The following GPC6 variants were observed in gnomAD, a reference collection of about 807,000 sequenced individuals.
The protein encoded by GPC6 is glypican-6.
GPC6 carries 14 observed loss-of-function variants against 55.2 expected under a neutral mutation model. That is an observed-to-expected ratio of 0.25 (90% CI 0.17 to 0.40). The LOEUF is 0.40. Ranked by LOEUF, GPC6 falls within the 10% of genes least tolerant of loss-of-function variation. The pLI is 1.00. For synonymous variants in GPC6, 278 were observed against 259.6 expected, an observed-to-expected ratio of 1.07 and a Z score of -0.68; for missense variants, 641 against 708.5, an observed-to-expected ratio of 0.90 and a Z score of 1.08.
At chr13:93,255,395 A>G (rs976229507) in intron 1 of GPC6, among the ~76,000 whole-genome samples, 4 of 152,126 alleles carry the variant, frequency 2.6e-5, no homozygotes, top group African/African-American at 9.7e-5. Flanking sequence ...ATTATTATAA[A>G]CCATAGTCAC....
chr13:93,940,976 A>C (rs1049912189), intron 3 of GPC6, among the ~76,000 whole-genome samples: 2 of 152,212 alleles, frequency 1.3e-5, no homozygotes, highest in African/African-American at 4.8e-5. Flanking sequence ...TAATTTTCTA[A>C]AATCAGAAGT....
intron 4 of GPC6, among the ~76,000 whole-genome samples, chr13:94,188,862 C>G (rs939011624): frequency 6.6e-6 from 1 of 152,164 alleles, no homozygotes; most frequent in Non-Finnish European, 1.5e-5. Flanking sequence ...CAAAGTCTCA[C>G]AATCTGGTCA....
chr13:94,042,988 A>G (rs1241963204), intron 4 of GPC6, among the ~76,000 whole-genome samples: 1 of 151,892 alleles, frequency 6.6e-6, no homozygotes, highest in Non-Finnish European at 1.5e-5. Context: ...GTATAATCCA[A>G]TAATGTCATT....
chr13:93,256,741 G>A lies in GPC6; in HGVS notation c.160+29125G>A, dbSNP rs79763430. The stretch of plus-strand genomic sequence containing the variant: ...TGCTATCATCCAGTCCTTATATTAC[G>A]GCTTTTCATTTAGATTGATTTTTAT... On this transcript the variant is annotated intron_variant, in intron 1 of 8. Coordinates refer to ENST00000377047, the MANE Select transcript of GPC6 (RefSeq NM_005708.5). Among the ~76,000 whole-genome samples, 212 of 152,138 alleles carry A rather than the reference G, an allele frequency of 1.4e-3. 5 individuals are homozygous for A. In the East Asian group the frequency reaches 0.03, roughly 22 times the overall value.
At chr13:93,693,461 C>CTGTGTGTGTGTGTGTGTGTGTGTG (rs35459356) in intron 2 of GPC6, among the ~76,000 whole-genome samples, 1 of 139,342 alleles carries the variant, frequency 7.2e-6, no homozygotes, top group Non-Finnish European at 1.5e-5. Context: ...GTATGTATAT[C>CTGTGTGTGTGTGTGTGTGTGTGTG]TGTGTGTGTG....
At chr13:93,843,852 G>C (rs1888057217) in intron 3 of GPC6, among the ~76,000 whole-genome samples, 1 of 152,044 alleles carries the variant, frequency 6.6e-6, no homozygotes, top group Admixed American at 6.6e-5. Context: ...TCAGTGCTTA[G>C]CTCCTTTGTT....
intron 1 of GPC6, among the ~76,000 whole-genome samples, chr13:93,523,558 G>C (rs116840362): frequency 2.2e-5 from 3 of 139,208 alleles, no homozygotes; most frequent in Non-Finnish European, 3.2e-5. Context: ...TATAAGTTAC[G>C]CACTTCCTCA....
chr13:94,162,129 A>T (rs9805227), intron 4 of GPC6, among the ~76,000 whole-genome samples: 2,839 of 152,280 alleles, frequency 0.019, 104 homozygotes, highest in African/African-American at 0.065. Context: ...CAGCCAAACC[A>T]TATCAATACT....
chr13:94,070,767 C>T (rs964471463), intron 4 of GPC6, among the ~76,000 whole-genome samples: 1 of 152,196 alleles, frequency 6.6e-6, no homozygotes, highest in Non-Finnish European at 1.5e-5. Flanking sequence ...GGGCTCTCTA[C>T]TACTAAAAGT....
chr13:94,006,907 A>G (rs1181571967), intron 3 of GPC6, among the ~76,000 whole-genome samples: 2 of 151,970 alleles, frequency 1.3e-5, no homozygotes, highest in Non-Finnish European at 2.9e-5. Flanking sequence ...GGACTTATTT[A>G]CTCTTTATGT....
intron 1 of GPC6, among the ~76,000 whole-genome samples, chr13:93,460,213 C>G (rs572362188): frequency 7.9e-5 from 12 of 152,266 alleles, no homozygotes; most frequent in Non-Finnish European, 1.2e-4. Flanking sequence ...GCCCTTGAGG[C>G]TGTGGCAGCC....
At chr13:93,453,395 CTT>C (rs1337802402) in intron 1 of GPC6, among the ~76,000 whole-genome samples, 5 of 151,964 alleles carry the variant, frequency 3.3e-5, no homozygotes, top group Non-Finnish European at 7.4e-5. Context: ...AGGCATTAGA[CTT>C]TGTGGAGTGC....
At chr13:94,362,827 G>GA in intron 6 of GPC6, among the ~76,000 whole-genome samples, 1 of 152,230 alleles carries the variant, frequency 6.6e-6, no homozygotes, top group East Asian at 1.9e-4. Context: ...CATGATTTGA[G>GA]AAAATTAATT....
chr13:94,183,488 A>G (rs1889066541), intron 4 of GPC6, among the ~76,000 whole-genome samples: 1 of 152,120 alleles, frequency 6.6e-6, no homozygotes, highest in Non-Finnish European at 1.5e-5. Flanking sequence ...AGCTGTTTCT[A>G]CCTTTTAGCT....
intron 4 of GPC6, among the ~76,000 whole-genome samples, chr13:94,062,602 C>T (rs945967310): frequency 6.6e-6 from 1 of 152,120 alleles, no homozygotes; most frequent in Non-Finnish European, 1.5e-5. Flanking sequence ...ATCCTAATAT[C>T]GTACCATTGT....
chr13:93,339,991 T>A (rs1396389075), intron 1 of GPC6, among the ~76,000 whole-genome samples: 1 of 148,988 alleles, frequency 6.7e-6, no homozygotes, highest in Non-Finnish European at 1.5e-5. Context: ...TAGTTAATAA[T>A]AATCCATTCA....
chr13:93,222,003 A>G (rs1428239387), upstream of GPC6, among the ~76,000 whole-genome samples: 1 of 121,042 alleles, frequency 8.3e-6, no homozygotes, highest in Non-Finnish European at 1.7e-5. Flanking sequence ...ATTCTGCTGT[A>G]GCTCTGCTTT....
intron 4 of GPC6, among the ~76,000 whole-genome samples, chr13:94,222,454 C>T (rs1002962507): frequency 6.6e-6 from 1 of 152,048 alleles, no homozygotes; most frequent in Non-Finnish European, 1.5e-5. Context: ...TAGGGAATGA[C>T]TGGGCTGGCC....
At chr13:93,912,113 C>T (rs775896982) in intron 3 of GPC6, among the ~76,000 whole-genome samples, 2 of 152,132 alleles carry the variant, frequency 1.3e-5, no homozygotes, top group Non-Finnish European at 2.9e-5. Context: ...CAATGGGATC[C>T]ATTCTTAGGC....
Sources: gnomAD v4.1 joint callset for allele counts (sites outside exome capture counted in the v4.1 genomes callset) on GRCh38, gnomAD v4.1.1 for gene constraint, MANE v1.5 for transcripts, NCBI Gene and HGNC (gene_info 2026-07-23, HGNC 2026-07-21) for gene names.